The following DDX24 variants were observed in gnomAD, a reference collection of about 807,000 sequenced individuals.
DDX24 encodes DEAD-box helicase 24.
A neutral mutation model predicts 68.9 loss-of-function variants in DDX24; 24 were observed. The observed-to-expected ratio is 0.35, with a 90% confidence interval of 0.25 to 0.49. The LOEUF (loss-of-function observed/expected upper bound fraction) is 0.49. Ranked by LOEUF, DDX24 falls within the 20% of genes least tolerant of loss-of-function variation. DDX24 has a pLI of 0.99. For synonymous variants in DDX24, 395 were observed against 385.2 expected (o/e 1.03, Z -0.30); for missense variants, 989 against 1,039.0 (o/e 0.95, Z 0.66).
At chr14:94,067,335 A>T (rs952559520) in intron 2 of DDX24, among the ~76,000 whole-genome samples, 3 of 152,138 alleles carry the variant, frequency 2.0e-5, no homozygotes, top group African/African-American at 7.2e-5. Context: ...GAAGTCTGGG[A>T]TTATGTTAAA....
chr14:94,060,188 T>C lies in DDX24; in HGVS notation c.1823A>G (p.Lys608Arg), dbSNP rs141328829. The C allele has an allele frequency of 5.8e-5, 93 of 1,614,158 alleles. No homozygotes were observed. In the African/African-American group the frequency reaches 8.3e-4, roughly 14 times the overall value. ...SCIKRLSGLL[K>R]VLDIMPLTLH... is the part of the protein sequence containing the mutation. ...GGTCAAGGGCATGATATCAAGGACTTTGAGGAGCCCAGAGAGGCGTTTGAT... is the reference window on the plus strand; with the variant it reads ...GGTCAAGGGCATGATATCAAGGACTCTGAGGAGCCCAGAGAGGCGTTTGAT... Residue 608 changes from lysine to arginine, a missense_variant, in exon 5 of 9, where the codon AAA (lysine) becomes AGA (arginine). This residue lies in a region of DDX24 where 691 missense variants were observed against 760.0 expected (regional missense o/e 0.91). Transcript: ENST00000621632.
intron 2 of DDX24, among the ~76,000 whole-genome samples, chr14:94,068,275 A>G (rs1055850053): frequency 6.6e-6 from 1 of 152,260 alleles, no homozygotes; most frequent in African/African-American, 2.4e-5. Context: ...GAGGAACATT[A>G]TATAATGGTA....
chr14:94,079,487 C>T lies in DDX24; in HGVS notation c.256G>A (p.Glu86Lys). Residue 86 changes from glutamate to lysine, a missense_variant, in exon 2 of 9, where the codon GAG becomes AAG. This residue lies in a region of DDX24 where 295 missense variants were observed against 263.0 expected (regional missense o/e 1.12). Transcript: ENST00000621632. The stretch of plus-strand genomic sequence containing the variant: ...GAGCTAGACTTTCCCTCCTCCTCCT[C>T]CTCTTCTTCTGAAACAGCTTGTGCC... ...RKAQAVSEEEEEEEGKSSSPK... is the reference protein window; with the variant it reads ...RKAQAVSEEEKEEEGKSSSPK... 6.2e-7 allele frequency: 1 copy of T among 1,614,110 alleles called. No individual in the cohort carries two copies. Among genetic ancestry groups the T allele is most frequent in the Non-Finnish European group, 8.5e-7 (1 of 1,180,028 alleles).
At chr14:94,054,956 C>T in intron 7 of DDX24, 40 bp downstream of exon 7, 2 of 1,598,932 alleles carry the variant, frequency 1.3e-6, no homozygotes, top group Non-Finnish European at 1.7e-6. Flanking sequence ...GGGAGCAGCA[C>T]AATCCCTTCA....
In DDX24 at chr14:94,079,255, A is replaced by C. The variant is rs750934222; in HGVS notation, c.488T>G (p.Leu163Trp). 2 of 1,614,138 alleles carry C rather than the reference A, an allele frequency of 1.2e-6. No homozygotes were observed. The highest frequency in any genetic ancestry group is 2.2e-5 in the South Asian group (2 of 91,080). The part of the protein sequence containing the change: ...KKKKNKGKKG[L>W]EPSQSTAAKV... Reference sequence around the variant, plus strand: ...GGCAGCAGTGCTCTGAGAAGGCTCCAACCCTTTTTTCCCTTTATTTTTCTT... The same window carrying C: ...GGCAGCAGTGCTCTGAGAAGGCTCCCACCCTTTTTTCCCTTTATTTTTCTT... Residue 163 changes from leucine to tryptophan, a missense_variant, in exon 2 of 9, where the codon TTG (leucine) becomes TGG (tryptophan). Leu to Trp is a moderately conservative substitution (Grantham distance 61, BLOSUM62 -2). This residue lies in a region of DDX24 where 295 missense variants were observed against 263.0 expected (regional missense o/e 1.12). Transcript: ENST00000621632.
chr14:94,066,264 C>T (rs533422833), intron 2 of DDX24, among the ~76,000 whole-genome samples: 4 of 152,222 alleles, frequency 2.6e-5, no homozygotes, highest in Admixed American at 2.6e-4. Flanking sequence ...TCACCAGAGG[C>T]AGCCATAATC....
chr14:94,060,172 CATG>C lies in DDX24; in HGVS notation c.1836_1838del (p.Ile612del). The C allele has an allele frequency of 6.2e-7, 1 of 1,614,192 alleles. No homozygotes were observed. Among genetic ancestry groups the C allele is most frequent in the Non-Finnish European group, 8.5e-7 (1 of 1,180,038 alleles). The stretch of plus-strand genomic sequence containing the variant: ...GCATACAGGCATGCAGGGTCAAGGG[CATG>C]ATATCAAGGACTTTGAGGAGCCCAG... On this transcript the variant is annotated inframe_deletion, in exon 5 of 9. Transcript: ENST00000621632.
intron 2 of DDX24, among the ~76,000 whole-genome samples, chr14:94,068,821 T>C (rs1184874485): frequency 6.6e-6 from 1 of 152,036 alleles, no homozygotes; most frequent in African/African-American, 2.4e-5. Context: ...TGAATGACAA[T>C]AATGACACAA....
At chr14:94,055,470 T>A (rs1885475691) in intron 6 of DDX24, 1 of 430,612 alleles carries the variant, frequency 2.3e-6, no homozygotes, top group African/African-American at 1.9e-5. Context: ...ATCCAGGATT[T>A]AAGCAGCCCA....
At chr14:94,080,822 G>A (rs1204604830) in intron 1 of DDX24, among the ~76,000 whole-genome samples, 1 of 152,222 alleles carries the variant, frequency 6.6e-6, no homozygotes, top group Non-Finnish European at 1.5e-5. Flanking sequence ...AAGGGCCTCT[G>A]TCTCCTCGTG....
In DDX24 at chr14:94,062,805, C is replaced by T. The variant is rs542836174; in HGVS notation, c.719-184G>A. Among the ~76,000 whole-genome samples, 8 of 152,234 alleles carry T rather than the reference C, an allele frequency of 5.3e-5. No homozygotes were observed. The South Asian group carries it at 1.7e-3, about 32-fold the overall frequency. On this transcript the variant is annotated intron_variant, in intron 2 of 8. Transcript: ENST00000621632. Reference sequence around the variant, plus strand: ...CCAGAAGGCACATGTAAATTAGAACCCGAGGAAAAGTATGGCAGGCTAGCA... The same window carrying T: ...CCAGAAGGCACATGTAAATTAGAACTCGAGGAAAAGTATGGCAGGCTAGCA...
intron 2 of DDX24, among the ~76,000 whole-genome samples, chr14:94,078,275 C>A (rs1885986707): frequency 6.6e-6 from 1 of 152,178 alleles, no homozygotes; most frequent in Admixed American, 6.5e-5. Flanking sequence ...TGGAACCAAT[C>A]CTCCATGGAT....
In DDX24 at chr14:94,061,152, G is replaced by C. The variant is rs1003525484; in HGVS notation, c.1244-86C>G. On this transcript the variant is annotated intron_variant, in intron 3 of 8. Transcript: ENST00000621632. ...CTGACACAGGCACCCCAGATTAGCA[G>C]AGACAGACATCAGCACAGTGTAATG... The C allele has an allele frequency of 3.2e-5, 47 of 1,481,036 alleles. No individual in the cohort carries two copies. In the Admixed American group the frequency reaches 8.1e-4, roughly 26 times the overall value. 91.7% of individuals were successfully genotyped at this position (1,481,036 alleles called of 1,614,324 possible). A position where few individuals can be genotyped will look rare whatever the true frequency, so the allele number is the denominator to read the frequency against.
At chr14:94,080,177 A>T (rs1401728955) in intron 1 of DDX24, among the ~76,000 whole-genome samples, 1 of 152,254 alleles carries the variant, frequency 6.6e-6, no homozygotes, top group Non-Finnish European at 1.5e-5. Context: ...CTGAAGGCAG[A>T]GTAAGAATCT....
chr14:94,069,970 T>G (rs12433532), intron 2 of DDX24, among the ~76,000 whole-genome samples: 20,002 of 152,000 alleles, frequency 0.13, 1,905 homozygotes, highest in African/African-American at 0.27. Context: ...GCCCACCTAC[T>G]CTTACCACTC....
At chr14:94,064,666 G>A (rs1189146627) in intron 2 of DDX24, among the ~76,000 whole-genome samples, 1 of 152,058 alleles carries the variant, frequency 6.6e-6, no homozygotes, top group Non-Finnish European at 1.5e-5. Context: ...TTCCAACCCC[G>A]CCCCATACCT....
Position 94,079,383 on chromosome 14 carries a change from C to T in DDX24, c.360G>A (p.Val120=). ...CCTGGGCCTCCAGCTCAGGATCTTT[C>T]ACTTCAAATTCTTTCTGGGTACTGG... The part of the protein sequence containing the change: ...EGTSTQKEFE[V]KDPELEAQGD... The change falls in exon 2 of 9, where the codon GTG becomes GTA. Residue 120 remains valine (V), a synonymous_variant. Coordinates refer to ENST00000621632, the MANE Select transcript of DDX24 (RefSeq NM_020414.4). 1 of 1,614,030 alleles carries T rather than the reference C, an allele frequency of 6.2e-7. No individual in the cohort carries two copies. Among genetic ancestry groups the T allele is most frequent in the South Asian group, 1.1e-5 (1 of 91,074 alleles).
intron 2 of DDX24, among the ~76,000 whole-genome samples, chr14:94,072,596 G>A (rs545818650): frequency 9.9e-5 from 15 of 152,216 alleles, no homozygotes; most frequent in African/African-American, 3.4e-4. Flanking sequence ...TTGGGAGGCC[G>A]AGGTGGGCAG....
At chr14:94,074,273 A>C (rs951925309) in intron 2 of DDX24, among the ~76,000 whole-genome samples, 1 of 152,164 alleles carries the variant, frequency 6.6e-6, no homozygotes, top group African/African-American at 2.4e-5. Flanking sequence ...ACACCAAAAC[A>C]TTACAAGAAA....
Sources: allele counts gnomAD v4.1 joint callset (sites outside exome capture counted in the v4.1 genomes callset), GRCh38; gene constraint gnomAD v4.1.1; regional missense constraint gnomAD v4.1.1; transcripts MANE v1.5; gene names NCBI Gene and HGNC (gene_info 2026-07-23, HGNC 2026-07-21).